The following RPL36AL variants were observed in gnomAD, a reference collection of about 807,000 sequenced individuals.
The protein encoded by RPL36AL is ribosomal protein L36a like, also known as ribosomal protein eL42-like.
RPL36AL carries 8 observed loss-of-function variants against 7.9 expected under a neutral mutation model. That is an observed-to-expected ratio of 1.02 (90% CI 0.60 to 1.84). The LOEUF is 1.84. RPL36AL is among the 40% of genes most tolerant of loss of function. The pLI, the probability that RPL36AL is intolerant of heterozygous loss-of-function variation, is 0.00. For missense variants in RPL36AL, 76 were observed against 126.8 expected (o/e 0.60, Z 1.93); for synonymous variants, 44 against 44.8 (o/e 0.98, Z 0.07).
chr14:49,619,001 G>C lies in RPL36AL; in HGVS notation c.104C>G (p.Ala35Gly), dbSNP rs760316083. The change falls in exon 2 of 2, where the codon GCC becomes GGC. Residue 35 changes from alanine (A) to glycine (G), a missense_variant. By Grantham distance (60) the Ala-to-Gly change is moderately conservative. Transcript: ENST00000298289. The part of the protein sequence containing the change: ...QYKKGKDSLY[A>G]QGRRRYDRKQ... ...CCGATCATAGCGCCTCCTTCCCTGG[G>C]CATACAAAGAATCCTTGCCCTTCTT... 7 of 1,613,904 alleles carry C rather than the reference G, an allele frequency of 4.3e-6. No individual in the cohort carries two copies. The South Asian group carries it at 7.7e-5, about 18-fold the overall frequency.
intron 1 of RPL36AL, among the ~76,000 whole-genome samples, 198 bp from the exon 2 acceptor site, chr14:49,619,338 A>T (rs185283262): frequency 6.6e-6 from 1 of 152,320 alleles, no homozygotes; most frequent in African/African-American, 2.4e-5. Context: ...CTGGAGGACT[A>T]ATTTGTCGAC....
chr14:49,618,793 G>T lies in RPL36AL; in HGVS notation c.312C>A (p.Ile104=), dbSNP rs759087286. ...AAAAATATCCCAAAGTTTAGAACTG[G>T]ATCACTTGGCCCTTTCTCTTCTTAT... ...GGDKKRKGQV[I]QF The change falls in exon 2 of 2, where the codon ATC becomes ATA. Residue 104 remains isoleucine (I), a synonymous_variant. Transcript: ENST00000298289. The T allele has an allele frequency of 3.8e-5, 61 of 1,610,740 alleles. No homozygotes were observed. Among genetic ancestry groups the T allele is most frequent in the Non-Finnish European group, 5.2e-5 (61 of 1,178,996 alleles).
At chr14:49,619,329 T>C (rs530402540) in intron 1 of RPL36AL, among the ~76,000 whole-genome samples, 189 bp from the exon 2 acceptor site, 1 of 152,300 alleles carries the variant, frequency 6.6e-6, no homozygotes, top group South Asian at 2.1e-4. Flanking sequence ...TTTAAATTAC[T>C]GGAGGACTAA....
rs17121611 is a variant in RPL36AL, at chr14:49,618,645, C to T, written c.*139G>A. ...GTTAGTAAAGTTTGAGGTGGGACTA[C>T]ACTAAACATGGAATTCTATTTATAA... On this transcript the variant is annotated 3_prime_UTR_variant, in exon 2 of 2. Transcript: ENST00000298289. The T allele has an allele frequency of 0.49, 322,119 of 658,164 alleles. 83,548 individuals carry two copies. The highest frequency in any genetic ancestry group is 0.54 in the Non-Finnish European group (208,310 of 386,024). The allele number at this position is 658,164 out of a possible 1,614,324, so 40.8% of individuals were successfully genotyped here. A position where few individuals can be genotyped will look rare whatever the true frequency, so the allele number is the denominator to read the frequency against.
intron 1 of RPL36AL, 33 bp downstream of exon 1, chr14:49,620,529 A>C: frequency 6.1e-6 from 1 of 162,934 alleles, no homozygotes. Flanking sequence ...GGAGGCTCCT[A>C]TTGGAGCCGC....
chr14:49,619,584 C>T (rs975268315), intron 1 of RPL36AL, among the ~76,000 whole-genome samples: 1 of 151,730 alleles, frequency 6.6e-6, no homozygotes, highest in Non-Finnish European at 1.5e-5. Context: ...GAGCCGAGAT[C>T]GCACCATTGC....
rs780079311 is a variant in RPL36AL at position 49,619,036 on chromosome 14, C to A, written c.69G>T (p.Val23=). 27 of 1,613,870 alleles carry A rather than the reference C, an allele frequency of 1.7e-5. No homozygotes were observed. The South Asian group carries it at 3.0e-4, about 18-fold the overall frequency. Residue 23 remains valine (V), a synonymous_variant, in exon 2 of 2, where the codon GTG becomes GTT. Coordinates refer to ENST00000298289, the MANE Select transcript of RPL36AL (RefSeq NM_001001.5). ...AATCCTTGCCCTTCTTATACTGTGT[C>A]ACTTTGTGAGGCTGATGCTTGCCAC... is the stretch of plus-strand genomic sequence containing the variant. ...KKCGKHQPHK[V]TQYKKGKDSL...
rs1246722296 is a variant in RPL36AL, at chr14:49,619,159, A to G, written c.-36-19T>C. ...ATGAAAACTGTAGTAAAATATTTAA[A>G]ATAAGATAGCAGACGTTAAACATTC... On this transcript the variant is annotated intron_variant, in intron 1 of 1. Coordinates refer to ENST00000298289, the MANE Select transcript of RPL36AL (RefSeq NM_001001.5). The G allele has an allele frequency of 4.7e-6, 7 of 1,485,340 alleles. No homozygotes were observed. Among genetic ancestry groups the G allele is most frequent in the Non-Finnish European group, 5.5e-6 (6 of 1,097,958 alleles). 92.0% of individuals were successfully genotyped at this position (1,485,340 alleles called of 1,614,324 possible).
chr14:49,619,453 G>A (rs1372309418), intron 1 of RPL36AL, among the ~76,000 whole-genome samples: 1 of 152,144 alleles, frequency 6.6e-6, no homozygotes, highest in Admixed American at 6.5e-5. Flanking sequence ...TTCGAGACCA[G>A]CCTGACCAAC....
At chr14:49,620,422 A>C (rs1882799914) in intron 1 of RPL36AL, 140 bp downstream of exon 1, 1 of 152,536 alleles carries the variant, frequency 6.6e-6, no homozygotes, top group Non-Finnish European at 1.5e-5. Context: ...TTTTTCCTGA[A>C]GGGAGAAGCC....
chr14:49,620,477 C>T (rs1882801886), intron 1 of RPL36AL, 85 bp downstream of exon 1: 1 of 153,510 alleles, frequency 6.5e-6, no homozygotes, highest in Non-Finnish European at 1.5e-5. Context: ...CTCGCCTTCC[C>T]TTTCCTAAGA....
chr14:49,619,316 T>G (rs1443714834), intron 1 of RPL36AL, among the ~76,000 whole-genome samples, 176 bp from the exon 2 acceptor site: 1 of 152,188 alleles, frequency 6.6e-6, no homozygotes, highest in Non-Finnish European at 1.5e-5. Flanking sequence ...TTGAAACACT[T>G]CGTTTAAATT....
Position 49,619,537 on chromosome 14 carries a change from T to A in RPL36AL, c.-36-397A>T, listed in dbSNP as rs187554675. On this transcript the variant is annotated intron_variant, in intron 1 of 1. Transcript: ENST00000298289. ...TGGTGGTGCATACCTGTAAGGAGAA[T>A]CGCTTGGGCGGGGTGGGGAGGGGCG... is the stretch of plus-strand genomic sequence containing the variant. Among the ~76,000 whole-genome samples, 863 of 143,974 alleles carry A rather than the reference T, an allele frequency of 6.0e-3. 12 individuals carry two copies. Among genetic ancestry groups the A allele is most frequent in the African/African-American group, 0.021 (823 of 39,678 alleles). The allele number at this position is 143,974 out of a possible 152,430, so 94.5% of individuals were successfully genotyped here. A position where few individuals can be genotyped will look rare whatever the true frequency, so the allele number is the denominator to read the frequency against.
rs1452313942 is a variant in RPL36AL, at chr14:49,618,705, CTG to C, written c.*77_*78del. Reference sequence around the variant, plus strand: ...ACAAAAAGTTTGCGTAAGAATATCACTGTATTTATTTTCCCTCGGGTAACTTT... The same window carrying C: ...ACAAAAAGTTTGCGTAAGAATATCACTATTTATTTTCCCTCGGGTAACTTT... On this transcript the variant is annotated 3_prime_UTR_variant, in exon 2 of 2. Coordinates refer to ENST00000298289, the MANE Select transcript of RPL36AL (RefSeq NM_001001.5). 14 of 1,181,182 alleles carry C rather than the reference CTG, an allele frequency of 1.2e-5. No homozygotes were observed. Among genetic ancestry groups the C allele is most frequent in the East Asian group, 2.3e-5 (1 of 42,918 alleles). The allele number at this position is 1,181,182 out of a possible 1,614,324, so 73.2% of individuals were successfully genotyped here.
intron 1 of RPL36AL, among the ~76,000 whole-genome samples, chr14:49,620,355 A>G (rs914105044): frequency 6.6e-6 from 1 of 152,190 alleles, no homozygotes; most frequent in Non-Finnish European, 1.5e-5. Flanking sequence ...TCGAGGGCTG[A>G]CGTGTCCTTA....
intron 1 of RPL36AL, among the ~76,000 whole-genome samples, chr14:49,619,662 A>G (rs763614053): frequency 4.6e-5 from 7 of 152,206 alleles, no homozygotes; most frequent in East Asian, 1.9e-4. Flanking sequence ...CACAATTCAT[A>G]TAAGTAGAAT....
In RPL36AL at chr14:49,619,155, T is replaced by C. The variant is rs1340394043; in HGVS notation, c.-36-15A>G. 6.7e-7 allele frequency: 1 copy of C among 1,502,660 alleles called. No individual in the cohort carries two copies. The highest frequency in any genetic ancestry group is 9.0e-7 in the Non-Finnish European group (1 of 1,112,682). The allele number at this position is 1,502,660 out of a possible 1,614,324, so 93.1% of individuals were successfully genotyped here. On this transcript the variant is annotated splice_polypyrimidine_tract_variant and intron_variant, in intron 1 of 1. Coordinates refer to ENST00000298289, the MANE Select transcript of RPL36AL (RefSeq NM_001001.5). ...TATGATGAAAACTGTAGTAAAATAT[T>C]TAAAATAAGATAGCAGACGTTAAAC...
At position 49,618,589 on chromosome 14, in the gene RPL36AL, T is replaced by C. The variant is rs1882734880; in HGVS notation, c.*195A>G. On this transcript the variant is annotated 3_prime_UTR_variant, in exon 2 of 2. Coordinates refer to ENST00000298289, the MANE Select transcript of RPL36AL (RefSeq NM_001001.5). ...GACCAGAAAACAAAAAGTAGTAAAGTAGTATTTTCCCTTCATACATATATA... is the reference window on the plus strand; with the variant it reads ...GACCAGAAAACAAAAAGTAGTAAAGCAGTATTTTCCCTTCATACATATATA... 1.0e-5 allele frequency: 6 copies of C among 572,260 alleles called. No individual in the cohort carries two copies. In the East Asian group the frequency reaches 1.5e-4, roughly 14 times the overall value. The allele number at this position is 572,260 out of a possible 1,614,324, so 35.4% of individuals were successfully genotyped here. A position where few individuals can be genotyped will look rare whatever the true frequency, so the allele number is the denominator to read the frequency against.
rs1034863059 is a variant in RPL36AL at position 49,620,399 on chromosome 14, C to T, written c.-37+163G>A. Among the ~76,000 whole-genome samples the T allele has an allele frequency of 9.8e-5, 15 of 152,398 alleles. No individual in the cohort carries two copies. The South Asian group carries it at 2.9e-3, about 29-fold the overall frequency. The stretch of plus-strand genomic sequence containing the variant: ...GCGCGCCCCGCGATTCTATAGCCGC[C>T]ATGCCTGAGACCTTTTTCCTGAAGG... On this transcript the variant is annotated intron_variant, in intron 1 of 1. Coordinates refer to ENST00000298289, the MANE Select transcript of RPL36AL (RefSeq NM_001001.5).
Sources: gnomAD v4.1 joint callset for allele counts (sites outside exome capture counted in the v4.1 genomes callset) on GRCh38, gnomAD v4.1.1 for gene constraint, MANE v1.5 for transcripts, NCBI Gene and HGNC (gene_info 2026-07-23, HGNC 2026-07-21) for gene names.